PHEX: variants seen among roughly 807,000 people sequenced by gnomAD.
PHEX encodes the protein phosphate regulating endopeptidase X-linked.
Under a neutral mutation model 68.0 loss-of-function variants are expected in PHEX, and 16 were observed. The observed-to-expected ratio is 0.24, with a 90% confidence interval of 0.16 to 0.36. The LOEUF (loss-of-function observed/expected upper bound fraction) is 0.36, where lower values mean the gene tolerates loss of function less well. Among genes scored for constraint, PHEX ranks in the 10% least tolerant of loss-of-function variants. PHEX has a pLI of 1.00. For missense variants in PHEX, 480 were observed against 575.5 expected (o/e 0.83, Z 1.70); for synonymous variants, 208 against 205.1 (o/e 1.01, Z -0.12).
intron 6 of PHEX, among the ~76,000 whole-genome samples, chrX:22,093,401 C>T (rs767295295): frequency 8.9e-6 from 1 of 112,038 alleles, no homozygotes; most frequent in East Asian, 2.8e-4. Flanking sequence ...TGTTAGGTTT[C>T]CTATCATCGT....
intron 16 of PHEX, among the ~76,000 whole-genome samples, chrX:22,216,106 G>A (rs1411154177): frequency 1.8e-5 from 2 of 111,812 alleles, no homozygotes. Context: ...AAATACCCAA[G>A]CAGGGTATTA....
intron 6 of PHEX, among the ~76,000 whole-genome samples, chrX:22,092,811 A>G (rs1929957867): frequency 1.1e-5 from 1 of 93,893 alleles, no homozygotes. Flanking sequence ...ATGCAGTGGC[A>G]TAATCTCGGC....
At chrX:22,198,919 C>T (rs5904620) in intron 15 of PHEX, among the ~76,000 whole-genome samples, 29,454 of 110,367 alleles carry the variant, frequency 0.27, 3,221 homozygotes, top group Non-Finnish European at 0.35. Context: ...TTATGGCGGA[C>T]GGCGAAGGAG....
Position 22,111,476 on chromosome X carries a change from C to A in PHEX, c.1089C>A (p.Ala363=). The A allele has an allele frequency of 8.3e-7, 1 of 1,205,634 alleles. No individual in the cohort carries two copies. Among genetic ancestry groups the A allele is most frequent in the Non-Finnish European group, 1.1e-6 (1 of 889,714 alleles). ...CTCTCTCTGTTAACAGGACCATTGCCAACTATTTGGTGTGGAGAATGGTTT... is the reference window on the plus strand; with the variant it reads ...CTCTCTCTGTTAACAGGACCATTGCAAACTATTTGGTGTGGAGAATGGTTT... The part of the protein sequence containing the change: ...ILGSERKKTI[A]NYLVWRMVYS... Residue 363 remains alanine (A), a synonymous_variant, in exon 10 of 22, where the codon GCC becomes GCA. Coordinates refer to ENST00000379374, the MANE Select transcript of PHEX (RefSeq NM_000444.6).
Position 22,168,304 on chromosome X carries a change from T to A in PHEX, c.1405-8T>A. The A allele has an allele frequency of 8.5e-7, 1 of 1,169,965 alleles. No homozygotes were observed. Among genetic ancestry groups the A allele is most frequent in the Non-Finnish European group, 1.2e-6 (1 of 857,516 alleles). On this transcript the variant is annotated splice_polypyrimidine_tract_variant and splice_region_variant and intron_variant, in intron 12 of 21. Transcript: ENST00000379374. ...CTCTGACATTATTTTTCTTTTTCCT[T>A]TTTGTAGGCGAGAGCTGTTTTGGCA...
In PHEX at chrX:22,178,250, ATGT is replaced by A; in HGVS notation, c.1483-19_1483-17del. 1 of 1,010,984 alleles carries A rather than the reference ATGT, an allele frequency of 9.9e-7. No homozygotes were observed. The highest frequency in any genetic ancestry group is 1.9e-5 in the African/African-American group (1 of 53,718). The allele number at this position is 1,010,984 out of a possible 1,213,427, so 83.3% of individuals were successfully genotyped here. On this transcript the variant is annotated intron_variant, in intron 13 of 21. Coordinates refer to ENST00000379374, the MANE Select transcript of PHEX (RefSeq NM_000444.6). ...TCTTTTATCTTTACTTAGAACAATGATGTTGTGGTTTGTTTTATTCAGATCAAG... is the reference window on the plus strand; with the variant it reads ...TCTTTTATCTTTACTTAGAACAATGATGTGGTTTGTTTTATTCAGATCAAG...
intron 5 of PHEX, 102 bp from the exon 6 acceptor site, chrX:22,090,327 C>A: frequency 1.5e-6 from 1 of 654,003 alleles, no homozygotes; most frequent in Non-Finnish European, 2.5e-6. Flanking sequence ...GTGACATGAG[C>A]TCAAAATATG....
At chrX:22,199,259 C>T (rs374517590) in intron 15 of PHEX, among the ~76,000 whole-genome samples, 8 of 110,935 alleles carry the variant, frequency 7.2e-5, no homozygotes, top group Non-Finnish European at 1.1e-4. Flanking sequence ...AAGAGAAGGA[C>T]GGGGAGGGCC....
At chrX:22,155,201 C>G (rs1932925373) in intron 12 of PHEX, among the ~76,000 whole-genome samples, 1 of 112,898 alleles carries the variant, frequency 8.9e-6, no homozygotes, top group Non-Finnish European at 1.9e-5. Flanking sequence ...CGTGAGCCAT[C>G]GTGCCCAGCC....
intron 7 of PHEX, among the ~76,000 whole-genome samples, chrX:22,095,528 G>A (rs1404120442): frequency 8.9e-6 from 1 of 112,335 alleles, no homozygotes; most frequent in African/African-American, 3.2e-5. Flanking sequence ...AGGCCAAAGG[G>A]CTCCAACTTG....
chrX:22,167,671 T>C (rs56175312), intron 12 of PHEX, among the ~76,000 whole-genome samples: 10,655 of 107,578 alleles, frequency 0.099, 714 homozygotes, highest in African/African-American at 0.22. Flanking sequence ...TTAAAATTTA[T>C]TTTTGTAGAG....
chrX:22,041,265 CTATATATA>C lies in PHEX; in HGVS notation c.187+2758_187+2765del, dbSNP rs556410356. ...GATCTCTCTCTCTCTCTCTCTCTCT[CTATATATA>C]TATATATATATATATATATATATAT... On this transcript the variant is annotated intron_variant, in intron 2 of 21. Transcript: ENST00000379374. Among the ~76,000 whole-genome samples, 176 of 72,802 alleles carry C rather than the reference CTATATATA, an allele frequency of 2.4e-3. 4 individuals carry two copies. Among genetic ancestry groups the C allele is most frequent in the African/African-American group, 9.0e-3 (142 of 15,802 alleles). 63.2% of individuals were successfully genotyped at this position (72,802 alleles called of 115,157 possible). A position where few individuals can be genotyped will look rare whatever the true frequency, so the allele number is the denominator to read the frequency against.
chrX:22,112,787 C>T (rs1484378886), intron 10 of PHEX, among the ~76,000 whole-genome samples: 1 of 110,083 alleles, frequency 9.1e-6, no homozygotes, highest in Non-Finnish European at 1.9e-5. Context: ...CCTGTGGTCC[C>T]AGCTACTCGG....
At chrX:22,113,005 T>TGTGTGTGTG (rs1931049468) in intron 10 of PHEX, among the ~76,000 whole-genome samples, 4 of 88,693 alleles carry the variant, frequency 4.5e-5, no homozygotes, top group Non-Finnish European at 6.9e-5. Flanking sequence ...CAAGTAGGTT[T>TGTGTGTGTG]TGTGTGTGTG....
intron 13 of PHEX, among the ~76,000 whole-genome samples, chrX:22,178,007 C>T (rs1381528838): frequency 3.6e-5 from 4 of 112,189 alleles, no homozygotes; most frequent in Non-Finnish European, 5.6e-5. Context: ...GTAAATGGAA[C>T]GCATTGTAAA....
chrX:22,230,229 C>CTTTTTTTTTTTTTT (rs140475343), intron 20 of PHEX, among the ~76,000 whole-genome samples: 6 of 10,935 alleles, frequency 5.5e-4, no homozygotes, highest in Non-Finnish European at 1.1e-3. Flanking sequence ...TATATGGGCT[C>CTTTTTTTTTTTTTT]TTTTTTTTTT....
intron 12 of PHEX, among the ~76,000 whole-genome samples, chrX:22,156,159 TG>T (rs753485283): frequency 9.0e-6 from 1 of 111,170 alleles, no homozygotes; most frequent in South Asian, 3.8e-4. Flanking sequence ...GAAACAGAAT[TG>T]GGGGGTTACA....
chrX:22,196,004 C>T (rs753942380), intron 15 of PHEX, among the ~76,000 whole-genome samples: 1 of 111,135 alleles, frequency 9.0e-6, no homozygotes, highest in Non-Finnish European at 1.9e-5. Flanking sequence ...TAGCAAGACC[C>T]TGTGTCTACA....
At position 22,230,071 on chromosome X, in the gene PHEX, C is replaced by T. The variant is rs1935659563; in HGVS notation, c.2070+2460C>T. On this transcript the variant is annotated intron_variant, in intron 20 of 21. Coordinates refer to ENST00000379374, the MANE Select transcript of PHEX (RefSeq NM_000444.6). ...TGGTTGTAGATGTGTGGTGTTATTTCTGAGGGCTCTGTTCTGTTCCATTGG... is the reference window on the plus strand; with the variant it reads ...TGGTTGTAGATGTGTGGTGTTATTTTTGAGGGCTCTGTTCTGTTCCATTGG... Among the ~76,000 whole-genome samples, 3 of 109,990 alleles carry T rather than the reference C, an allele frequency of 2.7e-5. No individual in the cohort carries two copies. In the South Asian group the frequency reaches 1.2e-3, roughly 43 times the overall value.
Sources: gnomAD v4.1 joint callset for allele counts (sites outside exome capture counted in the v4.1 genomes callset) on GRCh38, gnomAD v4.1.1 for gene constraint, MANE v1.5 for transcripts, NCBI Gene and HGNC (gene_info 2026-07-23, HGNC 2026-07-21) for gene names.